ZNF407: variants seen among roughly 807,000 people sequenced by gnomAD.
ZNF407 encodes the protein zinc finger protein 407.
Under a neutral mutation model 131.2 loss-of-function variants are expected in ZNF407, and 17 were observed. That is an observed-to-expected ratio of 0.13 (90% CI 0.09 to 0.19). The LOEUF is 0.19. Ranked by LOEUF, ZNF407 falls within the 10% of genes least tolerant of loss-of-function variation. The probability of loss-of-function intolerance (pLI) is 1.00; values close to 1 mark genes in which losing one functional copy is unlikely to be tolerated. For missense variants in ZNF407, 2,681 were observed against 2,830.6 expected, an observed-to-expected ratio of 0.95 and a Z score of 1.20; for synonymous variants, 1,156 against 1,062.0, an observed-to-expected ratio of 1.09 and a Z score of -1.72.
At chr18:74,730,577 T>C (rs1968271746) in intron 3 of ZNF407, among the ~76,000 whole-genome samples, 1 of 152,204 alleles carries the variant, frequency 6.6e-6, no homozygotes, top group Non-Finnish European at 1.5e-5. Flanking sequence ...CCTTTTGCTG[T>C]CACTGGTAAC....
chr18:74,920,436 T>C, intron 7 of ZNF407, 78 bp from the exon 8 acceptor site: 3 of 1,211,420 alleles, frequency 2.5e-6, no homozygotes, highest in African/African-American at 3.0e-5. Context: ...ACAGACAGTG[T>C]TATGTAATAT....
intron 3 of ZNF407, among the ~76,000 whole-genome samples, chr18:74,679,852 A>C (rs1035374378): frequency 2.0e-5 from 3 of 152,238 alleles, no homozygotes; most frequent in Non-Finnish European, 4.4e-5. Context: ...TGTATGTTTC[A>C]GATCATCAGT....
At chr18:74,808,077 G>C (rs886994196) in intron 4 of ZNF407, among the ~76,000 whole-genome samples, 1 of 151,776 alleles carries the variant, frequency 6.6e-6, no homozygotes, top group Non-Finnish European at 1.5e-5. Context: ...TCGATGGCGC[G>C]ATCTCGGCAC....
intron 4 of ZNF407, among the ~76,000 whole-genome samples, chr18:74,822,358 G>A (rs1436162103): frequency 6.6e-6 from 1 of 152,114 alleles, no homozygotes; most frequent in Non-Finnish European, 1.5e-5. Flanking sequence ...GTCCTGAATG[G>A]TACTGCCTAT....
intron 3 of ZNF407, among the ~76,000 whole-genome samples, chr18:74,731,951 AAAG>A (rs1968304439): frequency 6.6e-6 from 1 of 152,158 alleles, no homozygotes; most frequent in Admixed American, 6.5e-5. Context: ...CCTAGAACAG[AAAG>A]AAATCATCAG....
At chr18:74,678,330 C>G (rs1966900709) in intron 3 of ZNF407, among the ~76,000 whole-genome samples, 1 of 152,138 alleles carries the variant, frequency 6.6e-6, no homozygotes, top group South Asian at 2.1e-4. Context: ...CTGCATTACC[C>G]TTTTACTCTT....
chr18:74,980,635 G>T (rs1426538715), intron 8 of ZNF407, among the ~76,000 whole-genome samples: 1 of 152,124 alleles, frequency 6.6e-6, no homozygotes, highest in Non-Finnish European at 1.5e-5. Flanking sequence ...TCTCTACTAA[G>T]AATTCTTTAC....
intron 8 of ZNF407, among the ~76,000 whole-genome samples, chr18:74,993,969 C>T (rs1369440269): frequency 6.6e-6 from 1 of 152,218 alleles, no homozygotes; most frequent in Non-Finnish European, 1.5e-5. Flanking sequence ...AGGAGATTCA[C>T]AGACACGCCA....
intron 4 of ZNF407, among the ~76,000 whole-genome samples, chr18:74,831,905 C>A (rs539297074): frequency 6.6e-6 from 1 of 152,292 alleles, no homozygotes; most frequent in South Asian, 2.1e-4. Context: ...TGGCCCTGGG[C>A]ACAGTTACTT....
intron 4 of ZNF407, among the ~76,000 whole-genome samples, chr18:74,814,027 A>T (rs1231236666): frequency 6.6e-6 from 1 of 152,166 alleles, no homozygotes; most frequent in Non-Finnish European, 1.5e-5. Context: ...CCTACCCTTC[A>T]TGGCATAAGG....
intron 4 of ZNF407, among the ~76,000 whole-genome samples, chr18:74,863,656 C>A (rs564185420): frequency 6.6e-6 from 1 of 152,262 alleles, no homozygotes; most frequent in South Asian, 2.1e-4. Flanking sequence ...ATTTTTCAGA[C>A]TGCAGCGAAT....
intron 3 of ZNF407, among the ~76,000 whole-genome samples, chr18:74,715,457 G>A (rs1218212832): frequency 6.6e-6 from 1 of 152,210 alleles, no homozygotes; most frequent in South Asian, 2.1e-4. Flanking sequence ...AGTGCGAGCG[G>A]TGGTGGAGGC....
chr18:74,989,211 T>C (rs910447290), intron 8 of ZNF407, among the ~76,000 whole-genome samples: 3 of 152,160 alleles, frequency 2.0e-5, no homozygotes, highest in Non-Finnish European at 4.4e-5. Flanking sequence ...CCCAAGCAAA[T>C]ACTACTCTAC....
chr18:74,937,011 G>A (rs1039857140), intron 8 of ZNF407, among the ~76,000 whole-genome samples: 3 of 152,162 alleles, frequency 2.0e-5, no homozygotes, highest in Non-Finnish European at 4.4e-5. Context: ...CTAATCTTGT[G>A]TTTATACATG....
intron 8 of ZNF407, among the ~76,000 whole-genome samples, chr18:74,928,749 G>A (rs915926020): frequency 6.6e-6 from 1 of 152,086 alleles, no homozygotes; most frequent in African/African-American, 2.4e-5. Flanking sequence ...TCCAAAGGGA[G>A]GACCTTGTAG....
chr18:74,826,085 G>T lies in ZNF407; in HGVS notation c.4877+44583G>T, dbSNP rs575300603. ...TAAATACCAAAAGGAATTTCCATGA[G>T]TTTTTATTATTAGGTTACTTTACTT... On this transcript the variant is annotated intron_variant, in intron 4 of 8. Coordinates refer to ENST00000299687, the MANE Select transcript of ZNF407 (RefSeq NM_017757.3). 3.3e-5 allele frequency among the ~76,000 whole-genome samples: 5 copies of T among 152,262 alleles called. No homozygotes were observed. In the South Asian group the frequency reaches 1.0e-3, roughly 32 times the overall value.
chr18:75,000,486 C>G (rs1037459548), intron 8 of ZNF407, among the ~76,000 whole-genome samples: 1 of 152,118 alleles, frequency 6.6e-6, no homozygotes, highest in Non-Finnish European at 1.5e-5. Flanking sequence ...CTTGGTGCTC[C>G]TCAAACATCA....
At chr18:74,638,063 C>G (rs1344771715) in intron 2 of ZNF407, among the ~76,000 whole-genome samples, 2 of 152,206 alleles carry the variant, frequency 1.3e-5, no homozygotes, top group Non-Finnish European at 2.9e-5. Context: ...GTAACATGGG[C>G]TGTTGTTAAG....
chr18:74,951,179 C>T (rs2145279510), intron 8 of ZNF407, among the ~76,000 whole-genome samples: 1 of 152,254 alleles, frequency 6.6e-6, no homozygotes, highest in Non-Finnish European at 1.5e-5. Context: ...ATGTACTGAA[C>T]TTTTCTTTTT....
Sources: gnomAD v4.1 joint callset for allele counts (sites outside exome capture counted in the v4.1 genomes callset) on GRCh38, gnomAD v4.1.1 for gene constraint, MANE v1.5 for transcripts, NCBI Gene and HGNC (gene_info 2026-07-23, HGNC 2026-07-21) for gene names.